HSD11B1: variants seen among roughly 807,000 people sequenced by gnomAD.
HSD11B1 encodes hydroxysteroid 11-beta dehydrogenase 1.
Under a neutral mutation model 22.1 loss-of-function variants are expected in HSD11B1, and 15 were observed. That is an observed-to-expected ratio of 0.68 (90% confidence interval 0.45 to 1.04). The LOEUF (loss-of-function observed/expected upper bound fraction) is 1.04, where lower values mean the gene tolerates loss of function less well. Ranked by LOEUF, HSD11B1 falls within the 50% of genes least tolerant of loss-of-function variation. The probability of loss-of-function intolerance (pLI) is 0.00; values close to 1 mark genes in which losing one functional copy is unlikely to be tolerated. For missense variants in HSD11B1, 281 were observed against 357.6 expected, an observed-to-expected ratio of 0.79 and a Z score of 1.73; for synonymous variants, 122 against 125.2, an observed-to-expected ratio of 0.97 and a Z score of 0.17.
Position 209,706,560 on chromosome 1 carries a change from T to C in HSD11B1, c.220-149T>C. On this transcript the variant is annotated intron_variant, in intron 2 of 5. Transcript: ENST00000367027. This position sits in a 1 kb window ranked among gnomAD's most constrained non-coding sequence, Gnocchi z 4.0. ...CAGAGGACGATGATCATGAGGGTTA[T>C]ATTAGGCAACACACACACAAACATA... The C allele has an allele frequency of 1.4e-6, 1 of 736,316 alleles. No individual in the cohort carries two copies. The highest frequency in any genetic ancestry group is 1.4e-5 in the South Asian group (1 of 70,596). The allele number at this position is 736,316 out of a possible 1,614,324, so 45.6% of individuals were successfully genotyped here. A position where few individuals can be genotyped will look rare whatever the true frequency, so the allele number is the denominator to read the frequency against.
intron 1 of HSD11B1, among the ~76,000 whole-genome samples, chr1:209,689,591 A>T (rs2076747268): frequency 6.6e-6 from 1 of 152,176 alleles, no homozygotes; most frequent in Non-Finnish European, 1.5e-5. Context: ...TGCCATGCTC[A>T]TAGTAATGAG....
At chr1:209,715,045 C>G (rs1038343620) in intron 4 of HSD11B1, among the ~76,000 whole-genome samples, 2 of 152,160 alleles carry the variant, frequency 1.3e-5, no homozygotes, top group Non-Finnish European at 2.9e-5. Context: ...AAGGCATTCA[C>G]CAGGCATTCA....
At chr1:209,700,795 T>C (rs185465433), upstream of HSD11B1, among the ~76,000 whole-genome samples, 397 of 152,338 alleles carry the variant, frequency 2.6e-3, 4 homozygotes, top group Admixed American at 8.3e-3. Context: ...AAATTTCTTC[T>C]GCCAGATACC....
rs185293898 is a variant in HSD11B1 at position 209,699,533 on chromosome 1, C to T, written c.-48-5362C>T. On this transcript the variant is annotated intron_variant, in intron 1 of 6. Coordinates refer to the HSD11B1 transcript ENST00000261465. ...CCTCCCCCAGGTACCTCCCCCAACA[C>T]GTGGGAATTCTGGGAGACACAATTC... is the stretch of plus-strand genomic sequence containing the variant. Among the ~76,000 whole-genome samples the T allele has an allele frequency of 1.8e-4, 28 of 152,196 alleles. No individual in the cohort carries two copies. The South Asian group carries it at 5.0e-3, about 27-fold the overall frequency.
chr1:209,716,707 A>G (rs1201289717), intron 4 of HSD11B1, among the ~76,000 whole-genome samples: 1 of 152,218 alleles, frequency 6.6e-6, no homozygotes, highest in Non-Finnish European at 1.5e-5. Flanking sequence ...TTGGTAGGAA[A>G]ATAGACAAAA....
chr1:209,715,144 T>C (rs1012339601), intron 4 of HSD11B1, among the ~76,000 whole-genome samples: 1 of 152,140 alleles, frequency 6.6e-6, no homozygotes, highest in Non-Finnish European at 1.5e-5. Flanking sequence ...ATCACATAAG[T>C]AATACATATT....
At chr1:209,711,337 T>C (rs1374184554) in intron 4 of HSD11B1, among the ~76,000 whole-genome samples, 1 of 151,678 alleles carries the variant, frequency 6.6e-6, no homozygotes, top group Non-Finnish European at 1.5e-5. Flanking sequence ...TTATTGGGGG[T>C]GGGGGGATCC....
intron 5 of HSD11B1, 29 bp from the exon 6 acceptor site, chr1:209,734,275 A>T: frequency 6.4e-7 from 1 of 1,565,002 alleles, no homozygotes. Flanking sequence ...CTAGTCAGAT[A>T]ACCCTACTCT....
intron 1 of HSD11B1, among the ~76,000 whole-genome samples, chr1:209,694,929 C>A (rs2076781675): frequency 6.6e-6 from 1 of 152,194 alleles, no homozygotes. Flanking sequence ...TATGGCCTGG[C>A]TCTGTGTCCC....
rs1447046075 is a variant in HSD11B1 at position 209,704,893 on chromosome 1, A to C, written c.-50A>C. The C allele has an allele frequency of 7.1e-7, 1 of 1,401,376 alleles. No individual in the cohort carries two copies. Among genetic ancestry groups the C allele is most frequent in the Admixed American group, 1.7e-5 (1 of 59,630 alleles). 86.8% of individuals were successfully genotyped at this position (1,401,376 alleles called of 1,614,324 possible). On this transcript the variant is annotated 5_prime_UTR_variant, in exon 1 of 6. Coordinates refer to ENST00000367027, the MANE Select transcript of HSD11B1 (RefSeq NM_005525.4). ...CTTAGGAGGTTGTAGAAAGCTCTGT[A>C]GGTTCTCTCTGTGTGTCCTACAGGA...
chr1:209,702,520 C>T (rs960296934), upstream of HSD11B1, among the ~76,000 whole-genome samples: 1 of 152,076 alleles, frequency 6.6e-6, no homozygotes, highest in African/African-American at 2.4e-5. Context: ...CCATGGGTCT[C>T]TGAGACCCTC....
intron 4 of HSD11B1, among the ~76,000 whole-genome samples, chr1:209,723,445 C>T (rs1424265086): frequency 1.3e-5 from 2 of 152,132 alleles, no homozygotes; most frequent in South Asian, 2.1e-4. Flanking sequence ...TGATTCTTTC[C>T]TCCCCCTGCC....
At chr1:209,720,780 A>G (rs1337579767) in intron 4 of HSD11B1, among the ~76,000 whole-genome samples, 2 of 152,134 alleles carry the variant, frequency 1.3e-5, no homozygotes, top group African/African-American at 4.8e-5. Context: ...TGTGGATTAG[A>G]TAACATGGAT....
chr1:209,732,991 A>G (rs1290899305), intron 5 of HSD11B1, among the ~76,000 whole-genome samples: 1 of 152,192 alleles, frequency 6.6e-6, no homozygotes, highest in East Asian at 1.9e-4. Flanking sequence ...TCTCATTTAA[A>G]GGCATTTCTG....
intron 4 of HSD11B1, among the ~76,000 whole-genome samples, chr1:209,718,961 A>C (rs1184715773): frequency 6.9e-6 from 1 of 144,960 alleles, no homozygotes; most frequent in African/African-American, 2.6e-5. Context: ...CGGAGGTTGC[A>C]GTGAGCCAAG....
chr1:209,731,660 T>A (rs1418159347), intron 4 of HSD11B1, among the ~76,000 whole-genome samples: 1 of 152,188 alleles, frequency 6.6e-6, no homozygotes, highest in Non-Finnish European at 1.5e-5. Flanking sequence ...AATTAACCAG[T>A]CTGGTGAACA....
At chr1:209,724,834 G>T (rs1245057469) in intron 4 of HSD11B1, among the ~76,000 whole-genome samples, 1 of 152,078 alleles carries the variant, frequency 6.6e-6, no homozygotes, top group Non-Finnish European at 1.5e-5. Context: ...GAGAATGGAA[G>T]ATTTTTCTCT....
At position 209,704,878 on chromosome 1, in the gene HSD11B1, T is replaced by C; in HGVS notation, c.-65T>C. The stretch of plus-strand genomic sequence containing the variant: ...AGAGGCTGCTGCCTGCTTAGGAGGT[T>C]GTAGAAAGCTCTGTAGGTTCTCTCT... On this transcript the variant is annotated 5_prime_UTR_variant, in exon 1 of 6. Transcript: ENST00000367027. The C allele has an allele frequency of 8.0e-7, 1 of 1,243,476 alleles. No homozygotes were observed. Among genetic ancestry groups the C allele is most frequent in the Non-Finnish European group, 1.2e-6 (1 of 843,898 alleles). 77.0% of individuals were successfully genotyped at this position (1,243,476 alleles called of 1,614,324 possible).
intron 4 of HSD11B1, among the ~76,000 whole-genome samples, chr1:209,722,737 A>G (rs1000222065): frequency 6.6e-6 from 1 of 152,206 alleles, no homozygotes; most frequent in Non-Finnish European, 1.5e-5. Flanking sequence ...TTTAGGCCTG[A>G]TGCACCTCAA....
Sources: gnomAD v4.1 joint callset for allele counts (sites outside exome capture counted in the v4.1 genomes callset) on GRCh38, gnomAD v4.1.1 for gene constraint, Gnocchi (gnomAD v3.1) non-coding constraint, MANE v1.5 for transcripts, NCBI Gene and HGNC (gene_info 2026-07-23, HGNC 2026-07-21) for gene names.